Variants in SLC22A14 observed in about 807,000 individuals in gnomAD.
SLC22A14 encodes the protein solute carrier family 22 member 14, also known as organic cation transporter-like 4.
SLC22A14 carries 50 observed loss-of-function variants against 53.9 expected under a neutral mutation model. The observed-to-expected ratio is 0.93, with a 90% CI of 0.74 to 1.17. The LOEUF is 1.17. Ranked by LOEUF, SLC22A14 falls within the 50% of genes most tolerant of loss-of-function variation. The pLI is 0.00. For missense variants in SLC22A14, 671 were observed against 734.7 expected (o/e 0.91, Z 1.00); for synonymous variants, 312 against 303.0 (o/e 1.03, Z -0.31).
intron 8 of SLC22A14, 76 bp from the exon 9 acceptor site, chr3:38,315,482 T>TG: frequency 6.9e-7 from 1 of 1,448,642 alleles, no homozygotes; most frequent in Non-Finnish European, 9.4e-7. Flanking sequence ...GGGCAGGTGG[T>TG]GGGGAAGGCT....
At position 38,313,893 on chromosome 3, in the gene SLC22A14, C is replaced by T. The variant is rs751541580; in HGVS notation, c.1330C>T (p.Leu444Phe). The T allele has an allele frequency of 4.3e-6, 7 of 1,614,030 alleles. No individual in the cohort carries two copies. The highest frequency in any genetic ancestry group is 1.7e-4 in the Middle Eastern group (1 of 6,000). The part of the protein sequence containing the change: ...IGRKWSLAVT[L>F]LQAIIWCLLL... ...GAGGAAGTGGAGCCTGGCTGTGACT[C>T]TCCTCCAAGCCATCATCTGGTGCTT... Residue 444 changes from leucine to phenylalanine, a missense_variant, in exon 8 of 11, where the codon CTC becomes TTC. Physicochemically the swap from Leu to Phe is conservative, Grantham distance 22. Transcript: ENST00000448498.
At chr3:38,294,269 A>C (rs890801368) in intron 1 of SLC22A14, among the ~76,000 whole-genome samples, 7 of 152,096 alleles carry the variant, frequency 4.6e-5, no homozygotes, top group Admixed American at 2.0e-4. Flanking sequence ...GGCATAAATC[A>C]CACTTTTTAC....
At chr3:38,301,046 T>A (rs1250259318) in intron 1 of SLC22A14, among the ~76,000 whole-genome samples, 1 of 152,274 alleles carries the variant, frequency 6.6e-6, no homozygotes, top group South Asian at 2.1e-4. Flanking sequence ...CTTGAACTCC[T>A]GGCCTCAGGC....
chr3:38,289,460 G>A (rs982325681), intron 1 of SLC22A14, among the ~76,000 whole-genome samples: 5 of 152,108 alleles, frequency 3.3e-5, no homozygotes. Context: ...CCAAGATGGT[G>A]GCGGGCTGCT....
chr3:38,314,345 T>G (rs1704566901), intron 8 of SLC22A14, among the ~76,000 whole-genome samples: 1 of 152,220 alleles, frequency 6.6e-6, no homozygotes, highest in Non-Finnish European at 1.5e-5. Flanking sequence ...TGCCTGTTGT[T>G]CCCTGTAGCT....
intron 1 of SLC22A14, among the ~76,000 whole-genome samples, chr3:38,303,583 A>G (rs1289245866): frequency 2.6e-5 from 4 of 152,046 alleles, no homozygotes; most frequent in African/African-American, 9.7e-5. Context: ...CTCGTGGGTT[A>G]GAAGACTCAA....
chr3:38,315,751 G>A (rs374265498), intron 9 of SLC22A14, 40 bp downstream of exon 9: 244 of 1,586,730 alleles, frequency 1.5e-4, no homozygotes, highest in Middle Eastern at 5.0e-4. Context: ...GGGGACATGC[G>A]CAGGGAGTGA....
At chr3:38,314,219 T>A (rs1271482301) in intron 8 of SLC22A14, among the ~76,000 whole-genome samples, 2 of 152,200 alleles carry the variant, frequency 1.3e-5, no homozygotes, top group Non-Finnish European at 2.9e-5. Context: ...TTCCACCAGA[T>A]TCCAATCCAC....
chr3:38,279,679 G>T (rs553058508), upstream of SLC22A14, among the ~76,000 whole-genome samples: 1 of 151,472 alleles, frequency 6.6e-6, no homozygotes. Flanking sequence ...CCTGTGGTTT[G>T]CTCTGATGAA....
rs1253981404 is a variant in SLC22A14, at chr3:38,313,886, T to C, written c.1323T>C (p.Ala441=). The C allele has an allele frequency of 6.2e-7, 1 of 1,614,046 alleles. No individual in the cohort carries two copies. Among genetic ancestry groups the C allele is most frequent in the Admixed American group, 1.7e-5 (1 of 60,022 alleles). The change falls in exon 8 of 11, where the codon GCT becomes GCC. Residue 441 remains alanine (A), a synonymous_variant. Transcript: ENST00000448498. ...AGATTGGGAGGAAGTGGAGCCTGGC[T>C]GTGACTCTCCTCCAAGCCATCATCT... ...LQQIGRKWSL[A]VTLLQAIIWC...
chr3:38,307,866 G>T lies in SLC22A14; in HGVS notation c.775+146G>T. ...GTGTAGCTGTAAGAGGGCATGGCGG[G>T]GGTGTGGCAGCGTGGGCATCTGCTG... On this transcript the variant is annotated intron_variant, in intron 4 of 10. Transcript: ENST00000448498. The surrounding 1 kb of genome is among the most constrained non-coding windows in gnomAD (Gnocchi z 4.4). 1 of 856,676 alleles carries T rather than the reference G, an allele frequency of 1.2e-6. No homozygotes were observed. The highest frequency in any genetic ancestry group is 2.5e-5 in the East Asian group (1 of 40,186). 53.1% of individuals were successfully genotyped at this position (856,676 alleles called of 1,614,324 possible).
upstream of SLC22A14, among the ~76,000 whole-genome samples, chr3:38,280,527 C>T (rs1703644211): frequency 6.6e-6 from 1 of 152,142 alleles, no homozygotes; most frequent in Admixed American, 6.5e-5. Flanking sequence ...TATCTGCAGG[C>T]AACAGAATGT....
At chr3:38,314,251 T>C (rs1704564616) in intron 8 of SLC22A14, among the ~76,000 whole-genome samples, 1 of 152,188 alleles carries the variant, frequency 6.6e-6, no homozygotes, top group African/African-American at 2.4e-5. Context: ...GTCTAATGGT[T>C]ACATGTGAAT....
intron 1 of SLC22A14, among the ~76,000 whole-genome samples, chr3:38,287,530 A>G (rs973799687): frequency 4.6e-5 from 7 of 152,178 alleles, no homozygotes; most frequent in African/African-American, 1.7e-4. Flanking sequence ...CTCCCCTCTC[A>G]GATATCAAAA....
chr3:38,300,963 C>T (rs2125881537), intron 1 of SLC22A14, among the ~76,000 whole-genome samples: 1 of 152,158 alleles, frequency 6.6e-6, no homozygotes, highest in East Asian at 1.9e-4. Flanking sequence ...GTGTATTCCA[C>T]CATGCCTGGC....
At chr3:38,304,371 G>A (rs1312493009) in intron 1 of SLC22A14, among the ~76,000 whole-genome samples, 1 of 151,828 alleles carries the variant, frequency 6.6e-6, no homozygotes, top group Non-Finnish European at 1.5e-5. Context: ...CGCTCTCCTG[G>A]TTTCCGTGTT....
chr3:38,316,640 C>A, intron 10 of SLC22A14, 116 bp downstream of exon 10: 1 of 901,914 alleles, frequency 1.1e-6, no homozygotes, highest in Non-Finnish European at 1.7e-6. Context: ...GCCTGTGACT[C>A]GAAGGCTGCC....
At chr3:38,299,191 A>T (rs550085006) in intron 1 of SLC22A14, among the ~76,000 whole-genome samples, 1 of 152,214 alleles carries the variant, frequency 6.6e-6, no homozygotes, top group East Asian at 1.9e-4. Flanking sequence ...GTTTTAGTTA[A>T]TTACTTATTT....
chr3:38,290,779 A>T (rs1191705845), intron 1 of SLC22A14, among the ~76,000 whole-genome samples: 1 of 152,120 alleles, frequency 6.6e-6, no homozygotes, highest in East Asian at 1.9e-4. Context: ...CCCAGAGGGG[A>T]TTAACCCATA....
Sources: allele counts gnomAD v4.1 joint callset (sites outside exome capture counted in the v4.1 genomes callset), GRCh38; gene constraint gnomAD v4.1.1; non-coding constraint Gnocchi (gnomAD v3.1); transcripts MANE v1.5; gene names NCBI Gene and HGNC (gene_info 2026-07-23, HGNC 2026-07-21).